The following TRAK1 variants were observed in gnomAD, a reference collection of about 807,000 sequenced individuals.
TRAK1 encodes trafficking kinesin protein 1.
A neutral mutation model predicts 92.1 loss-of-function variants in TRAK1; 33 were observed. The observed-to-expected ratio is 0.36, with a 90% CI of 0.27 to 0.48. TRAK1 has a LOEUF of 0.48. TRAK1 is among the 20% of genes least tolerant of loss of function. The pLI is 0.99. For missense variants in TRAK1, 1,123 were observed against 1,257.9 expected (o/e 0.89, Z 1.62); for synonymous variants, 521 against 517.3 (o/e 1.01, Z -0.10).
chr3:42,109,991 A>G (rs1231861080), intron 1 of TRAK1, among the ~76,000 whole-genome samples: 1 of 150,382 alleles, frequency 6.6e-6, no homozygotes, highest in Non-Finnish European at 1.5e-5. Flanking sequence ...TAGGAGATAT[A>G]CCTAATATAA....
upstream of TRAK1, among the ~76,000 whole-genome samples, chr3:42,086,230 T>A (rs1704666239): frequency 6.6e-6 from 1 of 152,142 alleles, no homozygotes; most frequent in African/African-American, 2.4e-5. Flanking sequence ...ATGCCATCTT[T>A]TCTCAGAAGT....
intron 1 of TRAK1, among the ~76,000 whole-genome samples, chr3:42,027,114 A>G (rs1341625342): frequency 6.6e-6 from 1 of 152,224 alleles, no homozygotes; most frequent in Non-Finnish European, 1.5e-5. Context: ...TTTATAGCTA[A>G]GCACAAAATT....
At position 42,209,988 on chromosome 3, in the gene TRAK1, G is replaced by A. The variant is rs1057052282; in HGVS notation, c.1963+3G>A. ...AGTTCAGCACCCAGAGACCTCAGGT[G>A]AGAGGTCCCAAGCACGTGTGACTGT... On this transcript the variant is annotated splice_donor_region_variant and intron_variant, in intron 14 of 15. Transcript: ENST00000327628. 1 of 1,614,070 alleles carries A rather than the reference G, an allele frequency of 6.2e-7. No homozygotes were observed. The highest frequency in any genetic ancestry group is 1.3e-5 in the African/African-American group (1 of 74,924).
intron 1 of TRAK1, among the ~76,000 whole-genome samples, chr3:42,049,872 G>A (rs1296183490): frequency 6.6e-6 from 1 of 152,078 alleles, no homozygotes; most frequent in Non-Finnish European, 1.5e-5. Flanking sequence ...TCTATGCATC[G>A]TCTCTGTTTC....
upstream of TRAK1, among the ~76,000 whole-genome samples, chr3:42,090,423 C>T (rs561509693): frequency 4.6e-5 from 7 of 152,340 alleles, no homozygotes; most frequent in South Asian, 2.1e-4. Context: ...TGGTGGCTCA[C>T]GCCTATGATC....
chr3:42,218,218 C>T, intron 14 of TRAK1: 1 of 985,404 alleles, frequency 1.0e-6, no homozygotes, highest in Non-Finnish European at 1.2e-6. Flanking sequence ...TCCTGGTTTT[C>T]TTTTAAGACA....
chr3:42,069,656 C>G (rs1383172846), intron 1 of TRAK1, among the ~76,000 whole-genome samples: 1 of 152,120 alleles, frequency 6.6e-6, no homozygotes, highest in African/African-American at 2.4e-5. Context: ...CCATGTGATT[C>G]TCTGCAGTGT....
At position 42,092,643 on chromosome 3, in the gene TRAK1, C is replaced by T. The variant is rs78744298; in HGVS notation, c.91+1083C>T. On this transcript the variant is annotated intron_variant, in intron 1 of 15. Coordinates refer to ENST00000327628, the MANE Select transcript of TRAK1 (RefSeq NM_001042646.3). ...AGTAGCCCTGCCTGGGAGGACTCTT[C>T]ATCAAAGGGCCATGGCTTAGAATTT... Among the ~76,000 whole-genome samples, 701 of 151,418 alleles carry T rather than the reference C, an allele frequency of 4.6e-3. 4 individuals carry two copies. Among genetic ancestry groups the T allele is most frequent in the Non-Finnish European group, 7.3e-3 (497 of 67,882 alleles).
chr3:42,059,232 T>C (rs1341575277), intron 1 of TRAK1, among the ~76,000 whole-genome samples: 1 of 152,104 alleles, frequency 6.6e-6, no homozygotes, highest in Non-Finnish European at 1.5e-5. Flanking sequence ...TAGCTGGGAC[T>C]ATAGGCATGC....
chr3:42,089,484 C>T (rs1267292418), upstream of TRAK1, among the ~76,000 whole-genome samples: 1 of 152,156 alleles, frequency 6.6e-6, no homozygotes, highest in Non-Finnish European at 1.5e-5. Context: ...GGCTGAATGA[C>T]AGGAATCCCT....
chr3:42,130,065 A>T (rs539601141), intron 2 of TRAK1, among the ~76,000 whole-genome samples: 1 of 152,206 alleles, frequency 6.6e-6, no homozygotes, highest in Non-Finnish European at 1.5e-5. Context: ...AGCTTGATAC[A>T]GCTTAATTTG....
intron 1 of TRAK1, among the ~76,000 whole-genome samples, chr3:42,041,833 C>T (rs1339457218): frequency 2.0e-5 from 3 of 151,632 alleles, no homozygotes; most frequent in Admixed American, 6.6e-5. Context: ...CTCGCTCTGC[C>T]GCCCAGGCTG....
chr3:42,223,751 G>A lies in TRAK1; in HGVS notation c.*14G>A. On this transcript the variant is annotated 3_prime_UTR_variant, in exon 16 of 16. Coordinates refer to ENST00000327628, the MANE Select transcript of TRAK1 (RefSeq NM_001042646.3). This position sits in a 1 kb window ranked among gnomAD's most constrained non-coding sequence, Gnocchi z 6.1. Reference sequence around the variant, plus strand: ...AGCTTACGGTGAGGACTGGAGGGGGGCCGGTTGCCCTAGAGGAGACCCACG... The same window carrying A: ...AGCTTACGGTGAGGACTGGAGGGGGACCGGTTGCCCTAGAGGAGACCCACG... The A allele has an allele frequency of 6.3e-7, 1 of 1,590,084 alleles. No individual in the cohort carries two copies. Among genetic ancestry groups the A allele is most frequent in the Non-Finnish European group, 8.6e-7 (1 of 1,163,888 alleles).
chr3:42,134,232 TTCCCTC>T (rs1697622343), intron 2 of TRAK1, among the ~76,000 whole-genome samples: 1 of 26,382 alleles, frequency 3.8e-5, no homozygotes, highest in Admixed American at 6.1e-4. Context: ...TCCTCTCCCC[TTCCCTC>T]CCCTCCCCTT....
chr3:42,021,259 G>T (rs1254503312), intron 1 of TRAK1, among the ~76,000 whole-genome samples: 2 of 152,178 alleles, frequency 1.3e-5, no homozygotes, highest in Non-Finnish European at 2.9e-5. Context: ...GAATAAAAGA[G>T]TGTCACCTAG....
In TRAK1 at chr3:42,185,652, T is replaced by C. The variant is rs1312267662; in HGVS notation, c.480+851T>C. Among the ~76,000 whole-genome samples the C allele has an allele frequency of 3.3e-5, 5 of 149,926 alleles. No homozygotes were observed. In the East Asian group the frequency reaches 1.0e-3, roughly 30 times the overall value. On this transcript the variant is annotated intron_variant, in intron 4 of 15. Coordinates refer to ENST00000327628, the MANE Select transcript of TRAK1 (RefSeq NM_001042646.3). ...GTGACAACACTTCTCCTTGTTTCTT[T>C]TCCCCTTTTCTTATTCCTTTCTTTT...
At chr3:42,198,833 T>A (rs1032171360) in intron 10 of TRAK1, among the ~76,000 whole-genome samples, 1 of 152,016 alleles carries the variant, frequency 6.6e-6, no homozygotes, top group South Asian at 2.1e-4. Context: ...TCTGAACACA[T>A]CACCCCTCCC....
chr3:42,173,014 C>T (rs965315465), intron 2 of TRAK1, among the ~76,000 whole-genome samples: 2 of 152,048 alleles, frequency 1.3e-5, no homozygotes, highest in African/African-American at 2.4e-5. Flanking sequence ...GGCATAGTGG[C>T]AGGCACCTGT....
At chr3:42,026,405 G>A (rs1482746830) in intron 1 of TRAK1, among the ~76,000 whole-genome samples, 1 of 152,100 alleles carries the variant, frequency 6.6e-6, no homozygotes, top group African/African-American at 2.4e-5. Context: ...TCAATGGACT[G>A]ATAAGCTAGC....
Sources: allele counts gnomAD v4.1 joint callset (sites outside exome capture counted in the v4.1 genomes callset), GRCh38; gene constraint gnomAD v4.1.1; non-coding constraint Gnocchi (gnomAD v3.1); transcripts MANE v1.5; gene names NCBI Gene and HGNC (gene_info 2026-07-23, HGNC 2026-07-21).